SH3PXD2A: variants seen among roughly 807,000 people sequenced by gnomAD.
SH3PXD2A encodes the protein SH3 and PX domain-containing protein 2A.
SH3PXD2A carries 32 observed loss-of-function variants against 115.2 expected under a neutral mutation model. The observed-to-expected ratio is 0.28, with a 90% CI of 0.21 to 0.37. SH3PXD2A has a LOEUF of 0.37. SH3PXD2A is among the 10% of genes least tolerant of loss of function. The probability of loss-of-function intolerance (pLI) is 1.00; values close to 1 mark genes in which losing one functional copy is unlikely to be tolerated. For missense variants in SH3PXD2A, 1,328 were observed against 1,498.7 expected (o/e 0.89, Z 1.88); for synonymous variants, 610 against 629.1 (o/e 0.97, Z 0.45).
chr10:103,714,925 G>A (rs1416059402), intron 5 of SH3PXD2A, among the ~76,000 whole-genome samples: 1 of 152,218 alleles, frequency 6.6e-6, no homozygotes, highest in East Asian at 1.9e-4. Flanking sequence ...GGAGAGACAG[G>A]GACTTGGGAT....
chr10:103,844,226 T>C (rs1842817283), intron 1 of SH3PXD2A, among the ~76,000 whole-genome samples: 1 of 152,236 alleles, frequency 6.6e-6, no homozygotes, highest in African/African-American at 2.4e-5. Context: ...GAAGTGATTC[T>C]ATCCCTTCTG....
chr10:103,672,676 C>T (rs3781338), intron 6 of SH3PXD2A, among the ~76,000 whole-genome samples: 14 of 152,278 alleles, frequency 9.2e-5, no homozygotes, highest in South Asian at 2.1e-4. Context: ...CTTCTGTAAA[C>T]GGGGAAAAAA....
At chr10:103,701,759 C>CCATCCATCCGTCATT (rs145811918) in intron 5 of SH3PXD2A, among the ~76,000 whole-genome samples, 3 of 139,456 alleles carry the variant, frequency 2.2e-5, no homozygotes, top group African/African-American at 8.2e-5. Flanking sequence ...CGTCCATCAT[C>CCATCCATCCGTCATT]CATCCAGCCA....
At chr10:103,829,764 TAAGACTTC>T (rs1171055398) in intron 1 of SH3PXD2A, among the ~76,000 whole-genome samples, 1 of 152,206 alleles carries the variant, frequency 6.6e-6, no homozygotes, top group Non-Finnish European at 1.5e-5. Context: ...ACAAAAAAGG[TAAGACTTC>T]AGTAATGGTC....
At chr10:103,684,756 C>G (rs1389763909) in intron 6 of SH3PXD2A, among the ~76,000 whole-genome samples, 6 of 152,060 alleles carry the variant, frequency 3.9e-5, no homozygotes, top group African/African-American at 1.4e-4. Context: ...AGGCTGTGTG[C>G]TGCGGTTCAC....
In SH3PXD2A at chr10:103,603,787, G is replaced by A. The variant is rs1356605142; in HGVS notation, c.1431C>T (p.Val477=). The change falls in exon 15 of 15, where the codon GTC becomes GTT. Residue 477 remains valine (V), a splice_region_variant and synonymous_variant. Transcript: ENST00000369774. ...ISFRGGQKAE[V]IDKNSGGWWY... ...ACCAGCCACCTGAGTTCTTATCAAT[G>A]ACCTGGGGTACGAGTGCAGACAAGC... 6.2e-7 allele frequency: 1 copy of A among 1,604,584 alleles called. No individual in the cohort carries two copies. Among genetic ancestry groups the A allele is most frequent in the Non-Finnish European group, 8.5e-7 (1 of 1,178,656 alleles).
chr10:103,699,505 C>A (rs998399139), intron 5 of SH3PXD2A, among the ~76,000 whole-genome samples: 4 of 152,170 alleles, frequency 2.6e-5, no homozygotes, highest in African/African-American at 9.7e-5. Flanking sequence ...ATCTGTGAAA[C>A]CTCCATAGTG....
intron 5 of SH3PXD2A, among the ~76,000 whole-genome samples, chr10:103,699,815 G>A (rs192816412): frequency 6.0e-4 from 91 of 152,166 alleles, no homozygotes; most frequent in African/African-American, 2.1e-3. Flanking sequence ...TTCTCCGCAG[G>A]GCCTGTGTTT....
chr10:103,827,977 A>G (rs2039446934), intron 1 of SH3PXD2A, among the ~76,000 whole-genome samples: 2 of 152,176 alleles, frequency 1.3e-5, no homozygotes, highest in South Asian at 4.1e-4. Context: ...AGGTGCACAG[A>G]GCCTGGCCTG....
chr10:103,650,069 A>C (rs1047243166), intron 8 of SH3PXD2A, among the ~76,000 whole-genome samples: 1 of 152,216 alleles, frequency 6.6e-6, no homozygotes, highest in African/African-American at 2.4e-5. Flanking sequence ...GAGTTAGAAA[A>C]ACAGGCTCTT....
intron 8 of SH3PXD2A, among the ~76,000 whole-genome samples, chr10:103,633,038 C>T (rs562370994): frequency 6.6e-6 from 1 of 152,122 alleles, no homozygotes; most frequent in African/African-American, 2.4e-5. Context: ...GAGTCTGACA[C>T]AGGAAGGACC....
At chr10:103,606,784 C>T (rs2036315861) in intron 13 of SH3PXD2A, among the ~76,000 whole-genome samples, 1 of 152,180 alleles carries the variant, frequency 6.6e-6, no homozygotes, top group African/African-American at 2.4e-5. Flanking sequence ...GACGGAGTCT[C>T]GTTCACTCAG....
At chr10:103,629,030 C>G (rs1206799639) in intron 8 of SH3PXD2A, among the ~76,000 whole-genome samples, 1 of 152,230 alleles carries the variant, frequency 6.6e-6, no homozygotes, top group Non-Finnish European at 1.5e-5. Flanking sequence ...CCTCTAACCC[C>G]TACACTCTGC....
intron 1 of SH3PXD2A, among the ~76,000 whole-genome samples, chr10:103,843,504 C>T (rs1026812887): frequency 1.3e-5 from 2 of 152,182 alleles, no homozygotes; most frequent in African/African-American, 4.8e-5. Context: ...TCAAAAGTGG[C>T]CCTGGGCAAG....
At chr10:103,778,672 T>C (rs1334117960) in intron 2 of SH3PXD2A, among the ~76,000 whole-genome samples, 2 of 152,160 alleles carry the variant, frequency 1.3e-5, no homozygotes, top group African/African-American at 2.4e-5. Context: ...GGTCGCCAGT[T>C]TGAAGGTAAA....
At chr10:103,698,059 C>G (rs77973530) in intron 5 of SH3PXD2A, among the ~76,000 whole-genome samples, 2 of 152,222 alleles carry the variant, frequency 1.3e-5, no homozygotes, top group African/African-American at 4.8e-5. Flanking sequence ...AAAGGGGCCA[C>G]GCTGAGGCCC....
intron 1 of SH3PXD2A, among the ~76,000 whole-genome samples, chr10:103,847,607 G>A (rs1473625976): frequency 6.6e-6 from 1 of 152,140 alleles, no homozygotes; most frequent in Non-Finnish European, 1.5e-5. Context: ...TTACAGTCAT[G>A]AGCCACCATG....
intron 3 of SH3PXD2A, chr10:103,755,224 AT>A (rs1296289435): frequency 6.6e-6 from 1 of 152,152 alleles, no homozygotes; most frequent in Non-Finnish European, 1.5e-5. Flanking sequence ...ACAGCTCACA[AT>A]TTTGTTAGGG....
At chr10:103,664,151 G>C (rs977234596) in intron 7 of SH3PXD2A, among the ~76,000 whole-genome samples, 33 of 152,170 alleles carry the variant, frequency 2.2e-4, no homozygotes, top group Non-Finnish European at 3.2e-4. Context: ...CTTCTTAAGC[G>C]CACCCGGCAC....
Sources: gnomAD v4.1 joint callset for allele counts (sites outside exome capture counted in the v4.1 genomes callset) on GRCh38, gnomAD v4.1.1 for gene constraint, MANE v1.5 for transcripts, NCBI Gene and HGNC (gene_info 2026-07-23, HGNC 2026-07-21) for gene names.